STXBP5L: variants seen among roughly 807,000 people sequenced by gnomAD.
STXBP5L encodes the protein syntaxin-binding protein 5-like.
In STXBP5L, 65 loss-of-function variants were observed where a neutral mutation model predicts 144.5. The ratio of observed to expected loss-of-function variants is 0.45; its 90% CI spans 0.37 to 0.55. The LOEUF (loss-of-function observed/expected upper bound fraction) is 0.55, where lower values mean the gene tolerates loss of function less well. Ranked by LOEUF, STXBP5L falls within the 20% of genes least tolerant of loss-of-function variation. STXBP5L has a pLI of 0.00. For synonymous variants in STXBP5L, 505 were observed against 469.6 expected (o/e 1.08, Z -0.97); for missense variants, 1,298 against 1,405.5 (o/e 0.92, Z 1.22).
At chr3:121,091,252 T>G (rs2042775802) in intron 5 of STXBP5L, among the ~76,000 whole-genome samples, 1 of 147,246 alleles carries the variant, frequency 6.8e-6, no homozygotes, top group Non-Finnish European at 1.5e-5. Context: ...TGTGCATGTG[T>G]CTTTATAGCA....
At chr3:121,310,223 C>T (rs528153128) in intron 19 of STXBP5L, among the ~76,000 whole-genome samples, 1 of 152,264 alleles carries the variant, frequency 6.6e-6, no homozygotes, top group African/African-American at 2.4e-5. Flanking sequence ...AGGTTTGGCA[C>T]TGACTACTTA....
chr3:121,186,653 C>A (rs1005741734), intron 9 of STXBP5L, among the ~76,000 whole-genome samples: 15 of 152,166 alleles, frequency 9.9e-5, no homozygotes, highest in African/African-American at 3.4e-4. Context: ...CCCACTTGAT[C>A]ATGGTGGATA....
At chr3:121,314,615 G>A (rs2043712404) in intron 19 of STXBP5L, among the ~76,000 whole-genome samples, 2 of 150,254 alleles carry the variant, frequency 1.3e-5, no homozygotes, top group Non-Finnish European at 3.0e-5. Flanking sequence ...GGGAGAGGGA[G>A]AGGGAGAGGG....
chr3:121,326,891 A>G (rs556078552), intron 20 of STXBP5L, among the ~76,000 whole-genome samples: 1 of 152,248 alleles, frequency 6.6e-6, no homozygotes, highest in South Asian at 2.1e-4. Context: ...GAAATTCTTC[A>G]CTGGAAATCA....
intron 3 of STXBP5L, among the ~76,000 whole-genome samples, chr3:121,018,726 A>G (rs1234242512): frequency 6.6e-6 from 1 of 152,228 alleles, no homozygotes; most frequent in African/African-American, 2.4e-5. Flanking sequence ...GGATTTTATT[A>G]AAATAAGGCA....
At position 121,291,223 on chromosome 3, in the gene STXBP5L, T is replaced by C. The variant is rs181645395; in HGVS notation, c.2110+11267T>C. On this transcript the variant is annotated intron_variant, in intron 19 of 26. Coordinates refer to ENST00000471454, the MANE Select transcript of STXBP5L (RefSeq NM_001308330.2). ...AAAGTTTCAGGATACAAAATCAATG[T>C]ACACAAATCAATAGCACTGCTATAT... Among the ~76,000 whole-genome samples the C allele has an allele frequency of 3.2e-3, 489 of 152,238 alleles. 1 individual carries two copies. Among genetic ancestry groups the C allele is most frequent in the Non-Finnish European group, 4.3e-3 (290 of 67,978 alleles).
At chr3:120,993,535 A>T (rs1444562195) in intron 3 of STXBP5L, among the ~76,000 whole-genome samples, 1 of 152,086 alleles carries the variant, frequency 6.6e-6, no homozygotes, top group Non-Finnish European at 1.5e-5. Context: ...GGATATGTCC[A>T]GTTTTCCCAA....
At chr3:121,023,615 A>G (rs1945716740) in intron 3 of STXBP5L, among the ~76,000 whole-genome samples, 1 of 152,266 alleles carries the variant, frequency 6.6e-6, no homozygotes, top group African/African-American at 2.4e-5. Flanking sequence ...GCAAACAAAA[A>G]CATAAGATGA....
At chr3:121,057,092 C>T (rs1213712478) in intron 5 of STXBP5L, among the ~76,000 whole-genome samples, 3 of 151,532 alleles carry the variant, frequency 2.0e-5, no homozygotes, top group African/African-American at 7.3e-5. Flanking sequence ...AACTGCATAA[C>T]ATGCTACATA....
At chr3:121,358,407 T>C (rs1560017622) in intron 20 of STXBP5L, among the ~76,000 whole-genome samples, 1 of 152,154 alleles carries the variant, frequency 6.6e-6, no homozygotes, top group African/African-American at 2.4e-5. Flanking sequence ...TCAGAAAACT[T>C]ATACTCATGG....
chr3:120,957,507 T>C (rs1404976373), intron 3 of STXBP5L, among the ~76,000 whole-genome samples: 1 of 152,214 alleles, frequency 6.6e-6, no homozygotes, highest in East Asian at 1.9e-4. Context: ...GTAGTGTTCT[T>C]TTTTGTTCTG....
At chr3:121,214,426 T>A (rs1486185965) in intron 10 of STXBP5L, among the ~76,000 whole-genome samples, 1 of 152,218 alleles carries the variant, frequency 6.6e-6, no homozygotes, top group African/African-American at 2.4e-5. Flanking sequence ...CTCATTGGTT[T>A]CAAGGAAATT....
At chr3:121,066,912 TTC>T (rs1366974343) in intron 5 of STXBP5L, among the ~76,000 whole-genome samples, 1 of 152,152 alleles carries the variant, frequency 6.6e-6, no homozygotes, top group Non-Finnish European at 1.5e-5. Context: ...TGTTCAGATA[TTC>T]TGTTTTTTCT....
At chr3:121,064,436 C>T (rs2041444827) in intron 5 of STXBP5L, among the ~76,000 whole-genome samples, 1 of 152,196 alleles carries the variant, frequency 6.6e-6, no homozygotes, top group Admixed American at 6.5e-5. Context: ...GCCAGCCGCT[C>T]TTGCATTTCT....
At chr3:121,306,581 C>A (rs1351228947) in intron 19 of STXBP5L, among the ~76,000 whole-genome samples, 1 of 152,112 alleles carries the variant, frequency 6.6e-6, no homozygotes, top group Non-Finnish European at 1.5e-5. Context: ...AGCTTCAAAG[C>A]CCTCCCCAAA....
rs951347759 is a variant in STXBP5L, at chr3:121,419,156, C to G, written c.*59C>G. 2 of 1,533,984 alleles carry G rather than the reference C, an allele frequency of 1.3e-6. No homozygotes were observed. The highest frequency in any genetic ancestry group is 1.8e-5 in the Admixed American group (1 of 55,044). On this transcript the variant is annotated 3_prime_UTR_variant, in exon 27 of 27. Transcript: ENST00000471454. ...ATATTCAGGGAAACCAAATTTATTCCCAGCATCACTACTCAACTGCTAGAA... is the reference window on the plus strand; with the variant it reads ...ATATTCAGGGAAACCAAATTTATTCGCAGCATCACTACTCAACTGCTAGAA...
intron 3 of STXBP5L, among the ~76,000 whole-genome samples, chr3:121,004,493 C>T (rs1414198854): frequency 2.0e-5 from 3 of 151,738 alleles, no homozygotes. Context: ...ATGTCGTCTG[C>T]AAACAGGGAC....
chr3:121,329,588 G>A (rs971254771), intron 20 of STXBP5L, among the ~76,000 whole-genome samples: 1 of 152,158 alleles, frequency 6.6e-6, no homozygotes, highest in Non-Finnish European at 1.5e-5. Flanking sequence ...GGGGTGGGAC[G>A]GGTGGCCCAT....
At chr3:121,146,700 T>G (rs914832722) in intron 7 of STXBP5L, among the ~76,000 whole-genome samples, 1 of 152,088 alleles carries the variant, frequency 6.6e-6, no homozygotes, top group Admixed American at 6.6e-5. Flanking sequence ...TATACTAATA[T>G]CAGAGGATAC....
Sources: gnomAD v4.1 joint callset for allele counts (sites outside exome capture counted in the v4.1 genomes callset) on GRCh38, gnomAD v4.1.1 for gene constraint, MANE v1.5 for transcripts, NCBI Gene and HGNC (gene_info 2026-07-23, HGNC 2026-07-21) for gene names.